The following MAGI1 variants were observed in gnomAD, a reference collection of about 807,000 sequenced individuals.
MAGI1 encodes membrane associated guanylate kinase, WW and PDZ domain containing 1, also known as membrane-associated guanylate kinase, WW and PDZ domain-containing protein 1.
In MAGI1, 58 loss-of-function variants were observed where a neutral mutation model predicts 139.9. That is an observed-to-expected ratio of 0.41 (90% CI 0.34 to 0.52). The LOEUF (loss-of-function observed/expected upper bound fraction) is 0.52, where lower values mean the gene tolerates loss of function less well. Ranked by LOEUF, MAGI1 falls within the 20% of genes least tolerant of loss-of-function variation. The pLI is 0.12. For synonymous variants in MAGI1, 812 were observed against 737.9 expected, an observed-to-expected ratio of 1.10 and a Z score of -1.63; for missense variants, 1,874 against 1,901.6, an observed-to-expected ratio of 0.99 and a Z score of 0.27.
At chr3:65,981,481 A>AT (rs2065577018) in intron 1 of MAGI1, among the ~76,000 whole-genome samples, 1 of 152,216 alleles carries the variant, frequency 6.6e-6, no homozygotes, top group Non-Finnish European at 1.5e-5. Context: ...CTTCAGTTTC[A>AT]TCATCTGTAA....
chr3:65,945,235 T>C (rs2063495742), intron 1 of MAGI1, among the ~76,000 whole-genome samples: 1 of 152,164 alleles, frequency 6.6e-6, no homozygotes, highest in Admixed American at 6.5e-5. Context: ...AACTTTTACT[T>C]TAGGTTCAGG....
chr3:65,946,450 T>G (rs918147539), intron 1 of MAGI1, among the ~76,000 whole-genome samples: 3 of 151,344 alleles, frequency 2.0e-5, no homozygotes, highest in South Asian at 4.2e-4. Flanking sequence ...GTCCCTTTGG[T>G]TTTTTTTTCC....
intron 1 of MAGI1, among the ~76,000 whole-genome samples, chr3:65,990,100 G>A (rs1242957281): frequency 2.0e-5 from 3 of 152,062 alleles, no homozygotes; most frequent in African/African-American, 4.8e-5. Context: ...TATCTTGTGA[G>A]GAAATAAAGA....
intron 1 of MAGI1, among the ~76,000 whole-genome samples, chr3:65,783,853 T>C (rs1314579313): frequency 6.6e-6 from 1 of 150,728 alleles, no homozygotes; most frequent in Non-Finnish European, 1.5e-5. Flanking sequence ...CCAGGTGTGG[T>C]GGCCCTTGCC....
At chr3:65,818,407 A>C (rs958069130) in intron 1 of MAGI1, among the ~76,000 whole-genome samples, 1 of 152,172 alleles carries the variant, frequency 6.6e-6, no homozygotes, top group Non-Finnish European at 1.5e-5. Flanking sequence ...TAAAGGGCTG[A>C]GTGTTAAAGA....
intron 2 of MAGI1, among the ~76,000 whole-genome samples, chr3:65,589,099 G>T (rs1169441730): frequency 6.6e-6 from 1 of 152,162 alleles, no homozygotes; most frequent in East Asian, 1.9e-4. Context: ...TTTACAGTAT[G>T]CATGGACGGC....
At chr3:65,810,629 G>A (rs1027728511) in intron 1 of MAGI1, among the ~76,000 whole-genome samples, 4 of 152,206 alleles carry the variant, frequency 2.6e-5, no homozygotes, top group Non-Finnish European at 5.9e-5. Flanking sequence ...TCTCTGTCAG[G>A]AATGGTGGGA....
intron 3 of MAGI1, among the ~76,000 whole-genome samples, chr3:65,491,933 C>T (rs1215937866): frequency 6.6e-6 from 1 of 152,162 alleles, no homozygotes; most frequent in East Asian, 1.9e-4. Context: ...AAAGACAATG[C>T]TCCTTCCCGT....
At chr3:65,885,091 G>T (rs1244713484) in intron 1 of MAGI1, among the ~76,000 whole-genome samples, 1 of 152,044 alleles carries the variant, frequency 6.6e-6, no homozygotes, top group East Asian at 1.9e-4. Flanking sequence ...TCATAAAATA[G>T]ATACCTGGAT....
intron 2 of MAGI1, among the ~76,000 whole-genome samples, chr3:65,580,406 G>T (rs957621030): frequency 6.6e-6 from 1 of 151,256 alleles, no homozygotes; most frequent in Non-Finnish European, 1.5e-5. Context: ...CAAGTGCAAT[G>T]ACAGCTACAG....
intron 17 of MAGI1, 66 bp from the exon 18 acceptor site, chr3:65,376,011 A>T: frequency 8.7e-7 from 1 of 1,147,814 alleles, no homozygotes; most frequent in South Asian, 1.4e-5. Flanking sequence ...GAAGAGAAAA[A>T]GGGTTGAAAA....
chr3:66,013,271 C>T (rs2067429063), intron 1 of MAGI1, among the ~76,000 whole-genome samples: 1 of 151,558 alleles, frequency 6.6e-6, no homozygotes, highest in African/African-American at 2.4e-5. Flanking sequence ...GGCATGGTGG[C>T]ACATGCCTGT....
At chr3:65,876,937 G>C (rs909818738) in intron 1 of MAGI1, among the ~76,000 whole-genome samples, 3 of 151,944 alleles carry the variant, frequency 2.0e-5, no homozygotes, top group African/African-American at 4.8e-5. Flanking sequence ...TAGAGACGGG[G>C]TTTCACCATG....
rs549698146 is a variant in MAGI1 at position 65,518,527 on chromosome 3, T to C, written c.431-24896A>G. ...AGAAAAGGTAGGAGATGGGAATTAG[T>C]AGTGATCTCAGTGGGATCCTGTACC... On this transcript the variant is annotated intron_variant, in intron 2 of 22. Transcript: ENST00000402939. Among the ~76,000 whole-genome samples the C allele has an allele frequency of 2.2e-4, 34 of 152,284 alleles. 1 individual carries two copies. The South Asian group carries it at 5.2e-3, about 23-fold the overall frequency.
chr3:65,550,255 A>T (rs2107962037), intron 2 of MAGI1, among the ~76,000 whole-genome samples: 1 of 152,326 alleles, frequency 6.6e-6, no homozygotes, highest in South Asian at 2.1e-4. Context: ...GATCAGAAAG[A>T]CAAAGCTCGG....
At chr3:65,988,579 T>A (rs887353864) in intron 1 of MAGI1, among the ~76,000 whole-genome samples, 4 of 152,056 alleles carry the variant, frequency 2.6e-5, no homozygotes, top group Non-Finnish European at 4.4e-5. Context: ...TGAGATACAG[T>A]GAAAGGGAGT....
At chr3:65,693,988 T>C (rs2088918447) in intron 1 of MAGI1, among the ~76,000 whole-genome samples, 1 of 152,110 alleles carries the variant, frequency 6.6e-6, no homozygotes, top group Non-Finnish European at 1.5e-5. Flanking sequence ...CCCGAAGTGC[T>C]GGGATTACAG....
chr3:65,450,370 G>A (rs748179674), intron 6 of MAGI1, among the ~76,000 whole-genome samples: 51 of 152,090 alleles, frequency 3.4e-4, no homozygotes, highest in Admixed American at 2.0e-4. Flanking sequence ...TGGAAGATGC[G>A]GTGAAAAAAA....
chr3:65,400,952 A>C (rs1264503961), intron 13 of MAGI1, among the ~76,000 whole-genome samples: 1 of 151,762 alleles, frequency 6.6e-6, no homozygotes, highest in Non-Finnish European at 1.5e-5. Flanking sequence ...TTAAACCTAC[A>C]GGCTTTTTAT....
Sources: gnomAD v4.1 joint callset for allele counts (sites outside exome capture counted in the v4.1 genomes callset) on GRCh38, gnomAD v4.1.1 for gene constraint, MANE v1.5 for transcripts, NCBI Gene and HGNC (gene_info 2026-07-23, HGNC 2026-07-21) for gene names.